GRM5: variants seen among roughly 807,000 people sequenced by gnomAD.
The protein encoded by GRM5 is metabotropic glutamate receptor 5.
Under a neutral mutation model 83.1 loss-of-function variants are expected in GRM5, and 19 were observed. The ratio of observed to expected loss-of-function variants is 0.23; its 90% CI spans 0.16 to 0.34. The LOEUF is 0.34. GRM5 is among the 10% of genes least tolerant of loss of function. The pLI, the probability that GRM5 is intolerant of heterozygous loss-of-function variation, is 1.00. For synonymous variants in GRM5, 675 were observed against 633.6 expected (o/e 1.07, Z -0.98); for missense variants, 1,160 against 1,588.3 (o/e 0.73, Z 4.58).
intron 3 of GRM5, among the ~76,000 whole-genome samples, chr11:88,669,408 G>C (rs1333518262): frequency 1.3e-5 from 2 of 151,992 alleles, no homozygotes; most frequent in Non-Finnish European, 2.9e-5. Flanking sequence ...CTGATATCCA[G>C]CATAAGTAAA....
At chr11:88,540,679 C>G (rs1002479306) in intron 8 of GRM5, among the ~76,000 whole-genome samples, 1 of 152,122 alleles carries the variant, frequency 6.6e-6, no homozygotes, top group Non-Finnish European at 1.5e-5. Flanking sequence ...AAGTCTATGA[C>G]TAGAGATTAC....
intron 3 of GRM5, among the ~76,000 whole-genome samples, chr11:88,740,475 A>G (rs2135415904): frequency 6.6e-6 from 1 of 152,196 alleles, no homozygotes; most frequent in South Asian, 2.1e-4. Context: ...TACTGTTCTC[A>G]GTATTCCACT....
At chr11:88,742,969 G>C (rs1942059142) in intron 3 of GRM5, among the ~76,000 whole-genome samples, 1 of 152,068 alleles carries the variant, frequency 6.6e-6, no homozygotes. Flanking sequence ...TGGCATCAAG[G>C]ACTAGTATTA....
At chr11:88,526,873 T>C (rs1401598696) in intron 8 of GRM5, among the ~76,000 whole-genome samples, 2 of 152,152 alleles carry the variant, frequency 1.3e-5, no homozygotes, top group African/African-American at 4.8e-5. Context: ...GACTTTGCAC[T>C]ACAGATGTAA....
At chr11:88,740,743 C>T (rs1170827624) in intron 3 of GRM5, among the ~76,000 whole-genome samples, 1 of 152,066 alleles carries the variant, frequency 6.6e-6, no homozygotes, top group Non-Finnish European at 1.5e-5. Flanking sequence ...AGCACATCTT[C>T]AACCAAAGCC....
intron 2 of GRM5, among the ~76,000 whole-genome samples, chr11:88,920,711 G>T (rs1331456025): frequency 2.6e-5 from 4 of 152,206 alleles, no homozygotes; most frequent in East Asian, 3.9e-4. Flanking sequence ...ATTCACCAAT[G>T]CATTAAAAAC....
intron 1 of GRM5, among the ~76,000 whole-genome samples, chr11:89,049,302 T>C (rs1370117193): frequency 6.6e-6 from 1 of 152,172 alleles, no homozygotes; most frequent in Non-Finnish European, 1.5e-5. Context: ...AGAAATTTTG[T>C]CCCAAATTTT....
At position 88,567,675 on chromosome 11, in the gene GRM5, C is replaced by T. The variant is rs140317074; in HGVS notation, c.2008G>A (p.Ala670Thr). The T allele has an allele frequency of 6.2e-7, 1 of 1,614,132 alleles. No individual in the cohort carries two copies. Among genetic ancestry groups the T allele is most frequent in the African/African-American group, 1.3e-5 (1 of 75,066 alleles). ...TTCTTGCTGCCAGCCAGGATCCTTG[C>T]AATACGGTTGGTCTTTGTTACAAGG... is the stretch of plus-strand genomic sequence containing the variant. ...SALVTKTNRIARILAGSKKKI... is the reference protein window; with the variant it reads ...SALVTKTNRITRILAGSKKKI... Residue 670 changes from alanine (A) to threonine (T), a missense_variant, in exon 8 of 10, where the codon GCA (alanine) becomes ACA (threonine). This residue lies in a region of GRM5 where 132 missense variants were observed against 245.5 expected (regional missense o/e 0.54). Coordinates refer to ENST00000305447, the MANE Select transcript of GRM5 (RefSeq NM_001143831.3). This position sits in a 1 kb window ranked among gnomAD's most constrained non-coding sequence, Gnocchi z 7.3.
At chr11:88,706,803 A>G (rs1049121774) in intron 3 of GRM5, among the ~76,000 whole-genome samples, 1 of 152,096 alleles carries the variant, frequency 6.6e-6, no homozygotes, top group African/African-American at 2.4e-5. Flanking sequence ...CTTTGCTTGT[A>G]GCTTAGTGTA....
chr11:88,723,357 G>C (rs887656882), intron 3 of GRM5, among the ~76,000 whole-genome samples: 4 of 152,040 alleles, frequency 2.6e-5, no homozygotes, highest in African/African-American at 9.7e-5. Flanking sequence ...GTAGGTTTTT[G>C]TGTGGGCATA....
intron 3 of GRM5, among the ~76,000 whole-genome samples, chr11:88,737,450 T>TAAAC (rs1272688902): frequency 6.6e-6 from 1 of 152,106 alleles, no homozygotes; most frequent in East Asian, 1.9e-4. Flanking sequence ...TAACATGTAT[T>TAAAC]AAACATCTTT....
intron 3 of GRM5, among the ~76,000 whole-genome samples, chr11:88,833,598 T>C (rs969833475): frequency 6.6e-6 from 1 of 152,174 alleles, no homozygotes; most frequent in African/African-American, 2.4e-5. Flanking sequence ...TATCGTATGA[T>C]CAGCAATTCT....
At chr11:88,564,998 G>A (rs1442566722) in intron 8 of GRM5, among the ~76,000 whole-genome samples, 6 of 152,202 alleles carry the variant, frequency 3.9e-5, no homozygotes, top group African/African-American at 1.4e-4. Flanking sequence ...ACTGACAATG[G>A]TTAACTTAGT....
intron 2 of GRM5, among the ~76,000 whole-genome samples, chr11:88,919,527 A>G (rs1311602017): frequency 2.0e-5 from 3 of 151,380 alleles, no homozygotes; most frequent in African/African-American, 7.2e-5. Flanking sequence ...ATCAGACTTA[A>G]TAGGCACTAT....
At chr11:89,000,466 C>A (rs1330477297) in intron 2 of GRM5, among the ~76,000 whole-genome samples, 1 of 152,008 alleles carries the variant, frequency 6.6e-6, no homozygotes, top group Non-Finnish European at 1.5e-5. Context: ...CAATTCATAG[C>A]CTTTTTAATA....
chr11:88,528,393 T>G (rs80314148), intron 8 of GRM5, among the ~76,000 whole-genome samples: 1,621 of 152,196 alleles, frequency 0.011, 35 homozygotes, highest in African/African-American at 0.037. Context: ...ATATTTTTAT[T>G]CATTCACTTA....
chr11:88,653,667 C>A (rs1939694673), intron 3 of GRM5, among the ~76,000 whole-genome samples: 1 of 151,994 alleles, frequency 6.6e-6, no homozygotes, highest in South Asian at 2.1e-4. Context: ...GAGATTCTGG[C>A]ACAATTTTAC....
At position 88,708,283 on chromosome 11, in the gene GRM5, A is replaced by G. The variant is rs183934652; in HGVS notation, c.912-54880T>C. Among the ~76,000 whole-genome samples, 22 of 152,222 alleles carry G rather than the reference A, an allele frequency of 1.4e-4. No individual in the cohort carries two copies. The East Asian group carries it at 3.9e-3, about 27-fold the overall frequency. ...GTAAGTAAATGTGTCCCAGCACCAA[A>G]GGGAGACTGTCTTCTAGAGTTGATC... On this transcript the variant is annotated intron_variant, in intron 3 of 9. Coordinates refer to ENST00000305447, the MANE Select transcript of GRM5 (RefSeq NM_001143831.3).
At chr11:88,912,484 C>T (rs1395568423) in intron 2 of GRM5, among the ~76,000 whole-genome samples, 1 of 123,666 alleles carries the variant, frequency 8.1e-6, no homozygotes, top group Non-Finnish European at 1.6e-5. Flanking sequence ...CATTGTCACA[C>T]TTTTGCCATG....
Sources: allele counts gnomAD v4.1 joint callset (sites outside exome capture counted in the v4.1 genomes callset), GRCh38; gene constraint gnomAD v4.1.1; regional missense constraint gnomAD v4.1.1; non-coding constraint Gnocchi (gnomAD v3.1); transcripts MANE v1.5; gene names NCBI Gene and HGNC (gene_info 2026-07-23, HGNC 2026-07-21).